The following ZFAND4 variants were observed in gnomAD, a reference collection of about 807,000 sequenced individuals.
ZFAND4 encodes the protein AN1-type zinc finger protein 4.
In ZFAND4, 43 loss-of-function variants were observed where a neutral mutation model predicts 64.4. The ratio of observed to expected loss-of-function variants is 0.67; its 90% CI spans 0.52 to 0.86. The LOEUF (loss-of-function observed/expected upper bound fraction) is 0.86, where lower values mean the gene tolerates loss of function less well. Among genes scored for constraint, ZFAND4 ranks in the 40% least tolerant of loss-of-function variants. ZFAND4 has a pLI of 0.00. For missense variants in ZFAND4, 929 were observed against 859.8 expected (o/e 1.08, Z -1.01); for synonymous variants, 296 against 305.7 (o/e 0.97, Z 0.33).
At position 45,663,718 on chromosome 10, in the gene ZFAND4, T is replaced by A. The variant is rs540870449; in HGVS notation, c.8A>T (p.Asn3Ile). The A allele has an allele frequency of 6.3e-7, 1 of 1,598,214 alleles. No individual in the cohort carries two copies. The highest frequency in any genetic ancestry group is 1.4e-5 in the African/African-American group (1 of 73,886). ...ATTGAAGAATGGAGGCTCTTTTCTGTTATCCATTACTTTGACTTTTCTAGT... is the reference window on the plus strand; with the variant it reads ...ATTGAAGAATGGAGGCTCTTTTCTGATATCCATTACTTTGACTTTTCTAGT... MD[N>I]RKEPPFFNDD... is the part of the protein sequence containing the mutation. The change falls in exon 2 of 10, where the codon AAC (asparagine) becomes ATC (isoleucine). Residue 3 changes from asparagine (N) to isoleucine (I), a missense_variant. Coordinates refer to ENST00000344646, the MANE Select transcript of ZFAND4 (RefSeq NM_174890.4).
chr10:45,661,709 G>C (rs2048482191), intron 2 of ZFAND4, among the ~76,000 whole-genome samples: 1 of 152,150 alleles, frequency 6.6e-6, no homozygotes, highest in Non-Finnish European at 1.5e-5. Flanking sequence ...GGGAGGCCGA[G>C]GCAGGTGGAT....
At position 45,664,519 on chromosome 10, in the gene ZFAND4, G is replaced by A. The variant is rs186130692; in HGVS notation, c.-117-677C>T. Among the ~76,000 whole-genome samples, 227 of 151,210 alleles carry A rather than the reference G, an allele frequency of 1.5e-3. 1 individual carries two copies. Among genetic ancestry groups the A allele is most frequent in the African/African-American group, 4.1e-3 (168 of 41,304 alleles). ...CTTCACCTTGTGATCCACCCGCCTC[G>A]GCCTCCCAAAGTGCTGGGATTACAG... On this transcript the variant is annotated intron_variant, in intron 1 of 9. Transcript: ENST00000344646.
chr10:45,625,288 C>G (rs1165875783), intron 7 of ZFAND4, among the ~76,000 whole-genome samples: 1 of 149,066 alleles, frequency 6.7e-6, no homozygotes, highest in African/African-American at 2.5e-5. Context: ...CTGGCTAACA[C>G]GGTGAAACCC....
chr10:45,650,814 T>C (rs2047712279), intron 4 of ZFAND4: 1 of 152,158 alleles, frequency 6.6e-6, no homozygotes, highest in Admixed American at 6.5e-5. Context: ...TAAACATTTA[T>C]AGTTATTACT....
chr10:45,654,086 T>C (rs1041557041), intron 2 of ZFAND4, among the ~76,000 whole-genome samples: 3 of 152,078 alleles, frequency 2.0e-5, no homozygotes, highest in Admixed American at 6.5e-5. Flanking sequence ...CCAAATAACA[T>C]GTGTTCTCAC....
chr10:45,646,388 T>G (rs2047381209), intron 5 of ZFAND4, among the ~76,000 whole-genome samples: 1 of 152,216 alleles, frequency 6.6e-6, no homozygotes. Flanking sequence ...AATATAAATG[T>G]TCTTCATGGT....
intron 4 of ZFAND4, 29 bp downstream of exon 4, chr10:45,651,937 A>G: frequency 6.3e-7 from 1 of 1,594,478 alleles, no homozygotes; most frequent in Non-Finnish European, 8.6e-7. Flanking sequence ...TGTTACTGTC[A>G]AATTGCTTTA....
chr10:45,660,281 G>A (rs930684433), intron 2 of ZFAND4, among the ~76,000 whole-genome samples: 3 of 151,880 alleles, frequency 2.0e-5, no homozygotes, highest in Non-Finnish European at 4.4e-5. Flanking sequence ...AGTCCAGGAG[G>A]TCGAGTCCAG....
chr10:45,672,792 C>G (rs1404083010), upstream of ZFAND4: 1 of 152,358 alleles, frequency 6.6e-6, no homozygotes, highest in Admixed American at 6.5e-5. Flanking sequence ...CCGCCGCGCC[C>G]CGCCCCTTTG....
At position 45,626,197 on chromosome 10, in the gene ZFAND4, G is replaced by A. The variant is rs1589259177; in HGVS notation, c.1626C>T (p.Ser542=). ...CTGTGATATCCCGAGCCTCAACTTT[G>A]GAAATAACATCAGATCTTTTCCCAA... is the stretch of plus-strand genomic sequence containing the variant. The part of the protein sequence containing the change: ...DSLGKRSDVI[S]KVEARDITEM... The change falls in exon 7 of 10, where the codon TCC becomes TCT. Residue 542 remains serine, a synonymous_variant. Coordinates refer to ENST00000344646, the MANE Select transcript of ZFAND4 (RefSeq NM_174890.4). 2 of 1,614,054 alleles carry A rather than the reference G, an allele frequency of 1.2e-6. No homozygotes were observed. Among genetic ancestry groups the A allele is most frequent in the Non-Finnish European group, 1.7e-6 (2 of 1,180,024 alleles).
intron 6 of ZFAND4, among the ~76,000 whole-genome samples, chr10:45,629,404 C>T (rs2046057736): frequency 6.6e-6 from 1 of 152,050 alleles, no homozygotes; most frequent in Admixed American, 6.6e-5. Flanking sequence ...AAGAAGACAT[C>T]ACTTTTTGAA....
chr10:45,623,136 G>A (rs949894322), intron 8 of ZFAND4, among the ~76,000 whole-genome samples: 7 of 152,292 alleles, frequency 4.6e-5, no homozygotes, highest in African/African-American at 1.4e-4. Context: ...TGCCAAGGAT[G>A]TGGAGAAATT....
At position 45,665,986 on chromosome 10, in the gene ZFAND4, C is replaced by T. The variant is rs147207417; in HGVS notation, c.-117-2144G>A. Among the ~76,000 whole-genome samples, 127 of 152,298 alleles carry T rather than the reference C, an allele frequency of 8.3e-4. 2 individuals are homozygous for T. In the East Asian group the frequency reaches 0.022, roughly 27 times the overall value. ...TCCATCAGTTGATGAGCATTTGAGT[C>T]GTTTCCAATTTTGGGCTGTTACATA... On this transcript the variant is annotated intron_variant, in intron 1 of 9. Transcript: ENST00000344646.
intron 6 of ZFAND4, among the ~76,000 whole-genome samples, chr10:45,638,272 A>G (rs921156596): frequency 2.7e-4 from 41 of 151,282 alleles, no homozygotes; most frequent in Non-Finnish European, 5.2e-4. Context: ...TCATGAGGTC[A>G]GGAGATCGAG....
chr10:45,648,583 G>C (rs1017285763), intron 4 of ZFAND4, 49 bp from the exon 5 acceptor site: 34 of 1,557,410 alleles, frequency 2.2e-5, no homozygotes, highest in Non-Finnish European at 2.9e-5. Context: ...CAAGTTTTAT[G>C]CATCTTGGTA....
intron 8 of ZFAND4, among the ~76,000 whole-genome samples, chr10:45,623,963 C>T (rs560240977): frequency 1.3e-5 from 2 of 152,192 alleles, no homozygotes; most frequent in East Asian, 1.9e-4. Flanking sequence ...AAAGGTGGCA[C>T]ATCTTTGGTA....
In ZFAND4 at chr10:45,624,571, T is replaced by A; in HGVS notation, c.1927+12A>T. 6.2e-7 allele frequency: 1 copy of A among 1,613,184 alleles called. No homozygotes were observed. The highest frequency in any genetic ancestry group is 1.7e-4 in the Middle Eastern group (1 of 6,058). On this transcript the variant is annotated intron_variant, in intron 8 of 9. Transcript: ENST00000344646. ...CAGCCTTGTATTGTTTTCAAAATTA[T>A]CTGTAGCTTACCTACGCTTTTCCCT...
chr10:45,622,950 A>T (rs894102660), intron 8 of ZFAND4, among the ~76,000 whole-genome samples: 2 of 152,190 alleles, frequency 1.3e-5, no homozygotes, highest in African/African-American at 4.8e-5. Flanking sequence ...TCCAAAGAAG[A>T]TCTACAAATG....
At chr10:45,671,681 G>C (rs2049202852) in intron 1 of ZFAND4, among the ~76,000 whole-genome samples, 2 of 152,236 alleles carry the variant, frequency 1.3e-5, no homozygotes, top group Non-Finnish European at 2.9e-5. Flanking sequence ...GGGGCCTGTC[G>C]TGGGGAGTGA....
Sources: gnomAD v4.1 joint callset for allele counts (sites outside exome capture counted in the v4.1 genomes callset) on GRCh38, gnomAD v4.1.1 for gene constraint, MANE v1.5 for transcripts, NCBI Gene and HGNC (gene_info 2026-07-23, HGNC 2026-07-21) for gene names.